The following AGRN variants were observed in gnomAD, a reference collection of about 807,000 sequenced individuals.
The protein encoded by AGRN is agrin proteoglycan.
Under a neutral mutation model 211.0 loss-of-function variants are expected in AGRN, and 106 were observed. The ratio of observed to expected loss-of-function variants is 0.50; its 90% CI spans 0.43 to 0.59. The LOEUF is 0.59. Ranked by LOEUF, AGRN falls within the 20% of genes least tolerant of loss-of-function variation. AGRN has a pLI of 0.00. For synonymous variants in AGRN, 1,525 were observed against 1,332.5 expected (o/e 1.14, Z -3.15); for missense variants, 3,040 against 2,982.6 (o/e 1.02, Z -0.45).
chr1:1,035,921 TG>T (rs1444708514), intron 3 of AGRN, among the ~76,000 whole-genome samples: 4 of 151,962 alleles, frequency 2.6e-5, no homozygotes, highest in Non-Finnish European at 4.4e-5. Context: ...GGGGTGCTCC[TG>T]GTGTTTGGGC....
Position 1,049,755 on chromosome 1 carries a change from G to A in AGRN, c.4704G>A (p.Glu1568=). The A allele has an allele frequency of 6.3e-7, 1 of 1,582,200 alleles. No homozygotes were observed. The highest frequency in any genetic ancestry group is 2.3e-5 in the East Asian group (1 of 43,270). The change falls in exon 26 of 36, where the codon GAG becomes GAA. Residue 1568 remains glutamate (E), a synonymous_variant. Transcript: ENST00000379370. ...GCGGGGCCCCATGCCAGAACCTGGAGGCTGGAAGGTTCCATTGCCAGTGCC... is the reference window on the plus strand; with the variant it reads ...GCGGGGCCCCATGCCAGAACCTGGAAGCTGGAAGGTTCCATTGCCAGTGCC... ...CHGGAPCQNL[E]AGRFHCQCPP... is the part of the protein sequence containing the mutation.
chr1:1,024,948 TG>T (rs1271561133), intron 2 of AGRN, among the ~76,000 whole-genome samples: 1 of 152,208 alleles, frequency 6.6e-6, no homozygotes, highest in Non-Finnish European at 1.5e-5. Context: ...CAGTGCCAGC[TG>T]CCCAGGGCTG....
At position 1,055,193 on chromosome 1, in the gene AGRN, A is replaced by AGGAC; in HGVS notation, c.*213_*216dup. 1.4e-6 allele frequency: 1 copy of AGGAC among 735,766 alleles called. No homozygotes were observed. The highest frequency in any genetic ancestry group is 2.3e-6 in the Non-Finnish European group (1 of 443,506). 45.6% of individuals were successfully genotyped at this position (735,766 alleles called of 1,614,324 possible). The stretch of plus-strand genomic sequence containing the variant: ...AGGGCTCGGCGTGGATGGCAGCCTC[A>AGGAC]GGACACACACCCCTGCCTCAAGGTG... On this transcript the variant is annotated 3_prime_UTR_variant, in exon 36 of 36. Transcript: ENST00000379370.
At position 1,044,098 on chromosome 1, in the gene AGRN, CT is replaced by C; in HGVS notation, c.2000-9del. 1 of 1,613,200 alleles carries C rather than the reference CT, an allele frequency of 6.2e-7. No homozygotes were observed. The highest frequency in any genetic ancestry group is 8.5e-7 in the Non-Finnish European group (1 of 1,179,928). On this transcript the variant is annotated splice_polypyrimidine_tract_variant and intron_variant, in intron 10 of 35. Transcript: ENST00000379370. ...GAAGCCCCTGGGTGACTCTGCTCCC[CT>C]TCCCCGCAGCCGAGTGCGGTTCCGG... is the stretch of plus-strand genomic sequence containing the variant.
intron 2 of AGRN, 98 bp from the exon 3 acceptor site, chr1:1,035,179 G>T (rs1332835065): frequency 2.4e-5 from 29 of 1,217,868 alleles, no homozygotes; most frequent in East Asian, 5.4e-5. Flanking sequence ...TGGGGGGGGG[G>T]GGGTGGGCAG....
chr1:1,041,466 C>G lies in AGRN; in HGVS notation c.953-12C>G. The G allele has an allele frequency of 6.3e-7, 1 of 1,584,436 alleles. No homozygotes were observed. The highest frequency in any genetic ancestry group is 8.5e-7 in the Non-Finnish European group (1 of 1,172,970). On this transcript the variant is annotated splice_polypyrimidine_tract_variant and intron_variant, in intron 5 of 35. Transcript: ENST00000379370. The stretch of plus-strand genomic sequence containing the variant: ...CGGCGACAGCGTCCTGACTCCTGCC[C>G]TCGACCCCCAGACCCCTGTCAGGGC...
intron 7 of AGRN, among the ~76,000 whole-genome samples, 171 bp from the exon 8 acceptor site, chr1:1,043,068 G>A (rs904544095): frequency 5.9e-5 from 9 of 152,128 alleles, no homozygotes; most frequent in Non-Finnish European, 1.0e-4. Flanking sequence ...CGCCTCTGCC[G>A]CGTGTCTGTC....
chr1:1,025,986 G>C lies in AGRN; in HGVS notation c.463+3524G>C, dbSNP rs185365466. Among the ~76,000 whole-genome samples, 30 of 151,264 alleles carry C rather than the reference G, an allele frequency of 2.0e-4. No homozygotes were observed. In the East Asian group the frequency reaches 4.5e-3, roughly 22 times the overall value. The stretch of plus-strand genomic sequence containing the variant: ...CTGGGCTTGCCCCTGCCTTGGCCTG[G>C]GGGGGGGCTTTGCTGGCTGAAACCA... On this transcript the variant is annotated intron_variant, in intron 2 of 35. Coordinates refer to ENST00000379370, the MANE Select transcript of AGRN (RefSeq NM_198576.4).
rs1645263575 is a variant in AGRN at position 1,050,838 on chromosome 1, GT to G, written c.5253+2del. On this transcript the variant is annotated splice_donor_variant, in intron 30 of 35. Transcript: ENST00000379370. LOFTEE classifies it high-confidence loss of function. Reference sequence around the variant, plus strand: ...CCCCCGTGTGTTGGGGGAGTCCCCGGTGAGTGCTCTGGGCCGCGAGGGGACT... The same window carrying G: ...CCCCCGTGTGTTGGGGGAGTCCCCGGGAGTGCTCTGGGCCGCGAGGGGACT... 1 of 1,568,104 alleles carries G rather than the reference GT, an allele frequency of 6.4e-7. No individual in the cohort carries two copies. Among genetic ancestry groups the G allele is most frequent in the Non-Finnish European group, 8.6e-7 (1 of 1,160,856 alleles).
Position 1,049,371 on chromosome 1 carries a change from C to A in AGRN, c.4434C>A (p.Gly1478=), listed in dbSNP as rs372592323. 1.9e-6 allele frequency: 3 copies of A among 1,598,702 alleles called. No individual in the cohort carries two copies. The highest frequency in any genetic ancestry group is 2.2e-5 in the South Asian group (2 of 91,026). The change falls in exon 25 of 36, where the codon GGC becomes GGA. Residue 1478 remains glycine, a synonymous_variant. Coordinates refer to ENST00000379370, the MANE Select transcript of AGRN (RefSeq NM_198576.4). ...TGGATGGTGAGACCCCTGTTCTGGG[C>A]GAGAGTCCCAGTGGCACCGACGGCC... The part of the protein sequence containing the change: ...LSVDGETPVL[G]ESPSGTDGLN...
chr1:1,052,352 A>G (rs1645320952), intron 33 of AGRN: 2 of 342,862 alleles, frequency 5.8e-6, no homozygotes, highest in Non-Finnish European at 1.2e-5. Flanking sequence ...TGGATGTGCA[A>G]GTGTGTGTGA....
rs867053348 is a variant in AGRN, at chr1:1,045,592, T to G, written c.2536+69T>G. The G allele has an allele frequency of 3.3e-5, 53 of 1,604,234 alleles. No individual in the cohort carries two copies. The African/African-American group carries it at 5.1e-4, about 15-fold the overall frequency. The stretch of plus-strand genomic sequence containing the variant: ...ACCTGTTCACCCCCATCACTGTGCT[T>G]CTCCTCACCTGCCCAGGCCCTGGCC... On this transcript the variant is annotated intron_variant, in intron 14 of 35. Transcript: ENST00000379370.
chr1:1,037,856 A>G (rs960188017), intron 3 of AGRN, among the ~76,000 whole-genome samples: 2 of 151,846 alleles, frequency 1.3e-5, no homozygotes, highest in Non-Finnish European at 2.9e-5. Flanking sequence ...GGCTGCTGCA[A>G]TGCGCTGTGC....
At chr1:1,022,600 TC>T in intron 2 of AGRN, 138 bp downstream of exon 2, 1 of 808,484 alleles carries the variant, frequency 1.2e-6, no homozygotes. Context: ...TGGTCCAACC[TC>T]ATTCTCTGCT....
Position 1,046,630 on chromosome 1 carries a change from G to C in AGRN, c.3145G>C (p.Ala1049Pro), listed in dbSNP as rs753300058. 2 of 1,601,006 alleles carry C rather than the reference G, an allele frequency of 1.2e-6. No individual in the cohort carries two copies. Among genetic ancestry groups the C allele is most frequent in the Non-Finnish European group, 1.7e-6 (2 of 1,178,592 alleles). ...GGTGCCCCCCACGGCACCCTCCCCT[G>C]CACCCAGCCTGGTGGCGTCCGCCTT... is the stretch of plus-strand genomic sequence containing the variant. ...LTVPPTAPSP[A>P]PSLVASAFGE... The change falls in exon 18 of 36, where the codon GCA becomes CCA. Residue 1049 changes from alanine (A) to proline (P), a missense_variant. Physicochemically the swap from Ala to Pro is conservative, Grantham distance 27. This residue lies in a region of AGRN where 1,537 missense variants were observed against 1,505.0 expected (regional missense o/e 1.02). Coordinates refer to ENST00000379370, the MANE Select transcript of AGRN (RefSeq NM_198576.4).
chr1:1,042,352 G>A (rs954091458), intron 7 of AGRN, among the ~76,000 whole-genome samples, 190 bp downstream of exon 7: 1 of 152,204 alleles, frequency 6.6e-6, no homozygotes, highest in Non-Finnish European at 1.5e-5. Context: ...GGGCTGGTGA[G>A]GCAGAGGCGG....
Position 1,047,624 on chromosome 1 carries a change from C to A in AGRN, c.3568C>A (p.Arg1190Ser), listed in dbSNP as rs766825692. Residue 1190 changes from arginine to serine, a missense_variant, in exon 21 of 36, where the codon CGC becomes AGC. This residue lies in a region of AGRN where 1,537 missense variants were observed against 1,505.0 expected (regional missense o/e 1.02). Transcript: ENST00000379370. ...SDVKKDFRSVRLRDLGPGKSV... is the reference protein window; with the variant it reads ...SDVKKDFRSVSLRDLGPGKSV... Reference sequence around the variant, plus strand: ...CGTCAAGAAGGATTTTCGGAGTGTCCGCTTGCGGGACCTGGGGCCCGGCAA... The same window carrying A: ...CGTCAAGAAGGATTTTCGGAGTGTCAGCTTGCGGGACCTGGGGCCCGGCAA... The A allele has an allele frequency of 2.5e-6, 4 of 1,612,932 alleles. No homozygotes were observed. Among genetic ancestry groups the A allele is most frequent in the African/African-American group, 2.7e-5 (2 of 74,930 alleles).
In AGRN at chr1:1,046,015, G is replaced by A. The variant is rs773144997; in HGVS notation, c.2732G>A (p.Arg911Gln). The change falls in exon 16 of 36, where the codon CGG (arginine) becomes CAG (glutamine). Residue 911 changes from arginine to glutamine, a missense_variant. Arg to Gln is a conservative substitution (Grantham distance 43). Around this residue, in one of 3 missense-constraint regions of AGRN, gnomAD observed 1,498 missense variants for 1,457.8 expected, o/e 1.03. Coordinates refer to ENST00000379370, the MANE Select transcript of AGRN (RefSeq NM_198576.4). ...CAEMRCEFGA[R>Q]CVEESGSAHC... ...GAGATGCGCTGTGAGTTCGGTGCGC[G>A]GTGCGTGGAGGAGTCTGGCTCAGCC... 2.7e-5 allele frequency: 44 copies of A among 1,613,868 alleles called. No homozygotes were observed. The highest frequency in any genetic ancestry group is 3.3e-5 in the Non-Finnish European group (39 of 1,180,018).
chr1:1,034,161 G>A (rs888894135), intron 2 of AGRN: 6 of 984,978 alleles, frequency 6.1e-6, no homozygotes, highest in Admixed American at 6.2e-5. Flanking sequence ...GCAGACCCTC[G>A]GCGCCCGGCC....
Sources: gnomAD v4.1 joint callset for allele counts (sites outside exome capture counted in the v4.1 genomes callset) on GRCh38, gnomAD v4.1.1 for gene constraint, gnomAD v4.1.1 regional missense constraint, MANE v1.5 for transcripts, NCBI Gene and HGNC (gene_info 2026-07-23, HGNC 2026-07-21) for gene names.